ABCC11: variants seen among roughly 807,000 people sequenced by gnomAD.
ABCC11 encodes ATP binding cassette subfamily C member 11, also known as ATP-binding cassette sub-family C member 11.
In ABCC11, 135 loss-of-function variants were observed where a neutral mutation model predicts 149.3. The observed-to-expected ratio is 0.90, with a 90% CI of 0.79 to 1.04. The LOEUF (loss-of-function observed/expected upper bound fraction) is 1.04, where lower values mean the gene tolerates loss of function less well. Among genes scored for constraint, ABCC11 ranks in the 50% least tolerant of loss-of-function variants. ABCC11 has a pLI of 0.00. For missense variants in ABCC11, 1,680 were observed against 1,722.1 expected, an observed-to-expected ratio of 0.98 and a Z score of 0.43; for synonymous variants, 665 against 671.4, an observed-to-expected ratio of 0.99 and a Z score of 0.15.
intron 25 of ABCC11, among the ~76,000 whole-genome samples, chr16:48,175,840 T>G (rs1278301381): frequency 6.8e-6 from 1 of 147,292 alleles, no homozygotes; most frequent in Non-Finnish European, 1.5e-5. Context: ...GCGCAGCCAC[T>G]TGGTTGAGAC....
At chr16:48,237,306 G>C (rs187346186) in intron 1 of ABCC11, among the ~76,000 whole-genome samples, 1 of 152,312 alleles carries the variant, frequency 6.6e-6, no homozygotes, top group Middle Eastern at 3.4e-3. Flanking sequence ...CCTCATTATA[G>C]CCAGGATCTT....
At chr16:48,237,219 T>A (rs1235642213) in intron 1 of ABCC11, among the ~76,000 whole-genome samples, 1 of 152,170 alleles carries the variant, frequency 6.6e-6, no homozygotes, top group Non-Finnish European at 1.5e-5. Context: ...GGGCCACATA[T>A]GTTTTATCTC....
chr16:48,171,092 A>G, intron 26 of ABCC11, 125 bp from the exon 27 acceptor site: 1 of 857,388 alleles, frequency 1.2e-6, no homozygotes, highest in East Asian at 2.6e-5. Context: ...AATTCATGGA[A>G]CCACCACAAA....
downstream of ABCC11, chr16:48,165,600 C>CT (rs2150694554): frequency 6.6e-6 from 1 of 152,548 alleles, no homozygotes; most frequent in East Asian, 1.9e-4. Context: ...CGGGGGCTGC[C>CT]TTTTCCTCTG....
Position 48,200,263 on chromosome 16 carries a change from G to A in ABCC11, c.2082+13C>T, listed in dbSNP as rs1967832416. The stretch of plus-strand genomic sequence containing the variant: ...TCCGTCAATCACAGTCAGAGCCCTG[G>A]AAGGGTGCTAACCTGCAGCTGGTGG... On this transcript the variant is annotated intron_variant, in intron 15 of 29. Coordinates refer to ENST00000356608, the MANE Select transcript of ABCC11 (RefSeq NM_001370497.1). 1 of 1,612,538 alleles carries A rather than the reference G, an allele frequency of 6.2e-7. No homozygotes were observed. The highest frequency in any genetic ancestry group is 8.5e-7 in the Non-Finnish European group (1 of 1,179,024).
In ABCC11 at chr16:48,192,516, A is replaced by G; in HGVS notation, c.2706+4T>C. ...TCGGCCCCACCCAGCACCCAGGCCC[A>G]TACCTTGTTGAAGAGCTTGTTGTGC... On this transcript the variant is annotated splice_donor_region_variant and intron_variant, in intron 20 of 29. Coordinates refer to ENST00000356608, the MANE Select transcript of ABCC11 (RefSeq NM_001370497.1). 4 of 1,614,142 alleles carry G rather than the reference A, an allele frequency of 2.5e-6. No homozygotes were observed. In the South Asian group the frequency reaches 4.4e-5, roughly 18 times the overall value.
intron 9 of ABCC11, among the ~76,000 whole-genome samples, chr16:48,214,535 A>G (rs909564264): frequency 6.6e-5 from 10 of 152,174 alleles, no homozygotes; most frequent in Non-Finnish European, 4.4e-5. Flanking sequence ...TGAAGACGCT[A>G]TACCTTTGTA....
At chr16:48,221,327 C>A (rs1343595260) in intron 6 of ABCC11, among the ~76,000 whole-genome samples, 1 of 152,016 alleles carries the variant, frequency 6.6e-6, no homozygotes, top group African/African-American at 2.4e-5. Flanking sequence ...AATTGGTAAA[C>A]CACAGAAAAA....
chr16:48,167,796 A>G (rs16945917), intron 28 of ABCC11, 136 bp from the exon 29 acceptor site: 177,180 of 1,031,988 alleles, frequency 0.17, 18,115 homozygotes, highest in African/African-American at 0.36. Context: ...TGGGAGAATT[A>G]TGCCGAGTGC....
Position 48,166,660 on chromosome 16 carries a change from C to A in ABCC11, c.*614G>T, listed in dbSNP as rs1375206185. On this transcript the variant is annotated 3_prime_UTR_variant, in exon 30 of 30. Coordinates refer to ENST00000356608, the MANE Select transcript of ABCC11 (RefSeq NM_001370497.1). ...TTGGGAGGCCAAGGCAAGCGGATCA[C>A]TTGAGATCAGCCTGGCCAACATGGT... 1.3e-5 allele frequency among the ~76,000 whole-genome samples: 2 copies of A among 152,086 alleles called. No individual in the cohort carries two copies. Among genetic ancestry groups the A allele is most frequent in the Non-Finnish European group, 2.9e-5 (2 of 67,998 alleles).
Position 48,166,373 on chromosome 16 carries a change from GA to G in ABCC11, c.*900del, listed in dbSNP as rs1287277795. Among the ~76,000 whole-genome samples the G allele has an allele frequency of 1.3e-5, 2 of 152,214 alleles. No homozygotes were observed. The highest frequency in any genetic ancestry group is 2.9e-5 in the Non-Finnish European group (2 of 68,044). On this transcript the variant is annotated 3_prime_UTR_variant, in exon 30 of 30. Transcript: ENST00000356608. ...CCATATTGCCACCATGAGGCAAGAG[GA>G]AGTTAGAAAGTGAAGCCAAACAAAG...
chr16:48,194,317 G>A (rs1464883761), intron 18 of ABCC11, among the ~76,000 whole-genome samples: 1 of 152,190 alleles, frequency 6.6e-6, no homozygotes, highest in African/African-American at 2.4e-5. Flanking sequence ...ACTCAGCCCA[G>A]TGCCTGGCAC....
Position 48,208,768 on chromosome 16 carries a change from G to T in ABCC11, c.1609-272C>A, listed in dbSNP as rs369834609. Among the ~76,000 whole-genome samples, 91 of 152,260 alleles carry T rather than the reference G, an allele frequency of 6.0e-4. 1 individual carries two copies. Among genetic ancestry groups the T allele is most frequent in the African/African-American group, 2.1e-3 (86 of 41,570 alleles). Reference sequence around the variant, plus strand: ...GGCAAGAACCCTGAATTCCAGATTTGTGTCTATTCTATGCAGCAATCCTGG... The same window carrying T: ...GGCAAGAACCCTGAATTCCAGATTTTTGTCTATTCTATGCAGCAATCCTGG... On this transcript the variant is annotated intron_variant, in intron 11 of 29. Coordinates refer to ENST00000356608, the MANE Select transcript of ABCC11 (RefSeq NM_001370497.1).
chr16:48,194,890 C>A lies in ABCC11; in HGVS notation c.2405-908G>T, dbSNP rs191877448. ...CCCAGTCTAATATATGTTGTTACAG[C>A]AGCACAAATAGGCTAATAAAATGAG... On this transcript the variant is annotated intron_variant, in intron 18 of 29. Transcript: ENST00000356608. Among the ~76,000 whole-genome samples the A allele has an allele frequency of 2.0e-5, 3 of 152,302 alleles. No homozygotes were observed. In the East Asian group the frequency reaches 5.8e-4, roughly 29 times the overall value.
chr16:48,190,875 A>C (rs1376642937), intron 20 of ABCC11, among the ~76,000 whole-genome samples: 1 of 152,208 alleles, frequency 6.6e-6, no homozygotes, highest in Middle Eastern at 3.2e-3. Context: ...CCAGACTTCC[A>C]GCAGGAGAGC....
At chr16:48,198,089 T>C in intron 16 of ABCC11, 22 bp from the exon 17 acceptor site, 1 of 1,614,218 alleles carries the variant, frequency 6.2e-7, no homozygotes, top group Non-Finnish European at 8.5e-7. Context: ...GCACAGGCCC[T>C]GAGTACACGT....
chr16:48,194,105 A>C, intron 18 of ABCC11, 123 bp from the exon 19 acceptor site: 4 of 660,536 alleles, frequency 6.1e-6, no homozygotes, highest in Non-Finnish European at 1.1e-5. Flanking sequence ...CCCAATGTGG[A>C]CACCTTGGAG....
intron 25 of ABCC11, 108 bp downstream of exon 25, chr16:48,176,816 C>G (rs1445430325): frequency 7.7e-7 from 1 of 1,297,404 alleles, no homozygotes; most frequent in Non-Finnish European, 1.0e-6. Context: ...GCATGAGGAC[C>G]TAATACATAT....
intron 1 of ABCC11, among the ~76,000 whole-genome samples, chr16:48,245,230 C>G (rs952112945): frequency 1.1e-4 from 16 of 152,158 alleles, no homozygotes; most frequent in Admixed American, 2.0e-4. Flanking sequence ...CTCACATTTT[C>G]GCTGGTCCCC....
Sources: gnomAD v4.1 joint callset for allele counts (sites outside exome capture counted in the v4.1 genomes callset) on GRCh38, gnomAD v4.1.1 for gene constraint, MANE v1.5 for transcripts, NCBI Gene and HGNC (gene_info 2026-07-23, HGNC 2026-07-21) for gene names.